The following SYTL2 variants were observed in gnomAD, a reference collection of about 807,000 sequenced individuals.
SYTL2 encodes the protein synaptotagmin-like protein 2.
Under a neutral mutation model 198.7 loss-of-function variants are expected in SYTL2, and 165 were observed. That is an observed-to-expected ratio of 0.83 (90% confidence interval 0.73 to 0.94). The LOEUF is 0.94. Among genes scored for constraint, SYTL2 ranks in the 40% least tolerant of loss-of-function variants. The pLI is 0.00. For missense variants in SYTL2, 2,835 were observed against 2,582.8 expected, an observed-to-expected ratio of 1.10 and a Z score of -2.12; for synonymous variants, 966 against 917.7, an observed-to-expected ratio of 1.05 and a Z score of -0.95.
At chr11:85,828,746 G>C in the SYTL2 span, among the ~76,000 whole-genome samples, 1 of 152,220 alleles carries the variant, frequency 6.6e-6, no homozygotes, top group Non-Finnish European at 1.5e-5. Flanking sequence ...TTTAATAAAT[G>C]AGGATGCTAA....
the SYTL2 span, among the ~76,000 whole-genome samples, chr11:85,832,778 G>A: frequency 9.2e-5 from 14 of 151,382 alleles, no homozygotes; most frequent in Non-Finnish European, 1.9e-4. Flanking sequence ...AATTGTTTGA[G>A]CCTAGGAGTT....
chr11:85,755,029 A>C (rs1344613710), intron 2 of SYTL2, among the ~76,000 whole-genome samples: 1 of 152,194 alleles, frequency 6.6e-6, no homozygotes, highest in Non-Finnish European at 1.5e-5. Context: ...AACAACAAAA[A>C]AAAATTTCAT....
chr11:85,772,212 T>C lies in SYTL2; in HGVS notation c.-389-14098A>G, dbSNP rs1043939353. ...TGGCTGATCCATTCTCCTTCTAACA[T>C]AGCATGATCTCTAAGCAGATACCCA... On this transcript the variant is annotated intron_variant, in intron 1 of 19. Coordinates refer to ENST00000359152, the MANE Select transcript of SYTL2 (RefSeq NM_206927.4). 3.3e-5 allele frequency among the ~76,000 whole-genome samples: 5 copies of C among 152,274 alleles called. No homozygotes were observed. The East Asian group carries it at 5.8e-4, about 18-fold the overall frequency.
chr11:85,849,333 G>A, the SYTL2 span, among the ~76,000 whole-genome samples: 1 of 152,300 alleles, frequency 6.6e-6, no homozygotes, highest in East Asian at 1.9e-4. Context: ...TGTTGCCGTT[G>A]CTTTTGGTGT....
intron 2 of SYTL2, 39 bp from the exon 3 acceptor site, chr11:85,748,462 C>T (rs778680056): frequency 4.4e-6 from 7 of 1,607,748 alleles, no homozygotes; most frequent in Admixed American, 1.7e-5. Context: ...TGAGAACCCA[C>T]AGTAAATAAA....
At chr11:85,834,911 C>T in the SYTL2 span, among the ~76,000 whole-genome samples, 1 of 151,988 alleles carries the variant, frequency 6.6e-6, no homozygotes, top group Non-Finnish European at 1.5e-5. Flanking sequence ...AGGTACACAC[C>T]ACCATGCCTG....
chr11:85,840,192 C>G, the SYTL2 span, among the ~76,000 whole-genome samples: 1 of 152,056 alleles, frequency 6.6e-6, no homozygotes, highest in Non-Finnish European at 1.5e-5. Context: ...TTATTAATCC[C>G]TTGTCAGATG....
rs1318184612 is a variant in SYTL2 at position 85,724,799 on chromosome 11, G to A, written c.4559C>T (p.Thr1520Ile). Residue 1520 changes from threonine (T) to isoleucine (I), a missense_variant, in exon 8 of 20, where the codon ACA becomes ATA. Physicochemically the swap from Thr to Ile is moderately conservative, Grantham distance 89. This residue lies in a region of SYTL2 where 2,645 missense variants were observed against 2,381.7 expected (regional missense o/e 1.11). Coordinates refer to ENST00000359152, the MANE Select transcript of SYTL2 (RefSeq NM_206927.4). Reference protein sequence around the residue: ...ETFPSKYESDTGNLSPSKLIG... With the variant: ...ETFPSKYESDIGNLSPSKLIG... The stretch of plus-strand genomic sequence containing the variant: ...TAACTTTGATGGAGAAAGATTCCCT[G>A]TATCACTTTCATATTTTGAGGGGAA... 6.2e-7 allele frequency: 1 copy of A among 1,613,310 alleles called. No homozygotes were observed. Among genetic ancestry groups the A allele is most frequent in the Admixed American group, 1.7e-5 (1 of 59,890 alleles).
rs2090114944 is a variant in SYTL2 at position 85,734,170 on chromosome 11, A to G, written c.1159T>C (p.Tyr387His). Residue 387 changes from tyrosine (Y) to histidine (H), a missense_variant, in exon 7 of 20, where the codon TAC becomes CAC. Tyr to His is a moderately conservative substitution (Grantham distance 83). Coordinates refer to ENST00000359152, the MANE Select transcript of SYTL2 (RefSeq NM_206927.4). ...TGATGAAAAAGCGAAGGCTTTCTGT[A>G]TTGAGAAGGCTTAGGGTCACTCTGA... ...EFQSDPKPSQ[Y>H]RKPSLFHQST... 1.2e-6 allele frequency: 2 copies of G among 1,614,058 alleles called. No homozygotes were observed. The highest frequency in any genetic ancestry group is 8.5e-7 in the Non-Finnish European group (1 of 1,179,998).
At chr11:85,795,514 G>T (rs2092791010) in intron 1 of SYTL2, among the ~76,000 whole-genome samples, 1 of 152,082 alleles carries the variant, frequency 6.6e-6, no homozygotes, top group African/African-American at 2.4e-5. Flanking sequence ...TTCATGATCA[G>T]CACTTTCACT....
At chr11:85,818,688 T>TCTATCTACCTAC in the SYTL2 span, among the ~76,000 whole-genome samples, 5 of 151,090 alleles carry the variant, frequency 3.3e-5, no homozygotes, top group African/African-American at 4.9e-5. Context: ...TATCTATCTA[T>TCTATCTACCTAC]CTACCTATCT....
chr11:85,785,080 T>C (rs993057366), intron 1 of SYTL2, among the ~76,000 whole-genome samples: 2 of 151,970 alleles, frequency 1.3e-5, no homozygotes, highest in Non-Finnish European at 2.9e-5. Context: ...AAGGGGAAAT[T>C]TGAGCCAAGA....
chr11:85,796,370 T>C (rs1462839131), intron 1 of SYTL2, among the ~76,000 whole-genome samples: 1 of 152,212 alleles, frequency 6.6e-6, no homozygotes, highest in Non-Finnish European at 1.5e-5. Flanking sequence ...CAACTCTTAT[T>C]TTGGGGCAGG....
chr11:85,757,241 A>ATT (rs11400282), intron 2 of SYTL2, among the ~76,000 whole-genome samples: 1 of 151,990 alleles, frequency 6.6e-6, no homozygotes, highest in East Asian at 1.9e-4. Flanking sequence ...AATTCTAAAA[A>ATT]TTTTTTAAAA....
At chr11:85,828,635 C>T in the SYTL2 span, among the ~76,000 whole-genome samples, 1 of 152,192 alleles carries the variant, frequency 6.6e-6, no homozygotes, top group Non-Finnish European at 1.5e-5. Context: ...TTCAACTAAA[C>T]AAGACTTAGC....
intron 1 of SYTL2, among the ~76,000 whole-genome samples, chr11:85,802,211 TTTTC>T (rs1041381672): frequency 7.7e-6 from 1 of 129,354 alleles, no homozygotes; most frequent in South Asian, 2.7e-4. Context: ...CTTTTCTTCT[TTTTC>T]TTTTCTTTTT....
chr11:85,742,795 C>A (rs1411158564), intron 4 of SYTL2, among the ~76,000 whole-genome samples: 1 of 152,134 alleles, frequency 6.6e-6, no homozygotes, highest in Non-Finnish European at 1.5e-5. Context: ...CTGGTCCAAC[C>A]AACACTGCCC....
At chr11:85,748,175 T>C in intron 3 of SYTL2, 97 bp downstream of exon 3, 1 of 1,353,222 alleles carries the variant, frequency 7.4e-7, no homozygotes, top group Non-Finnish European at 1.0e-6. Context: ...TACATCCAAA[T>C]GATTTCCATC....
chr11:85,725,245 A>C lies in SYTL2; in HGVS notation c.4113T>G (p.Ser1371Arg), dbSNP rs750790599. ...CTCCACACAGCTTCTGTAATGCAGC[A>C]CTTACATCATTCAATACAGGTCTGG... is the stretch of plus-strand genomic sequence containing the variant. ...LPPRPVLNDV[S>R]AALQKLCGEV... is the part of the protein sequence containing the mutation. Residue 1371 changes from serine to arginine, a missense_variant, in exon 8 of 20, where the codon AGT becomes AGG. This residue lies in a region of SYTL2 where 2,645 missense variants were observed against 2,381.7 expected (regional missense o/e 1.11). Coordinates refer to ENST00000359152, the MANE Select transcript of SYTL2 (RefSeq NM_206927.4). The C allele has an allele frequency of 1.2e-6, 2 of 1,614,054 alleles. No homozygotes were observed. Among genetic ancestry groups the C allele is most frequent in the Non-Finnish European group, 1.7e-6 (2 of 1,180,026 alleles).
Sources: gnomAD v4.1 joint callset for allele counts (sites outside exome capture counted in the v4.1 genomes callset) on GRCh38, gnomAD v4.1.1 for gene constraint, gnomAD v4.1.1 regional missense constraint, MANE v1.5 for transcripts, NCBI Gene and HGNC (gene_info 2026-07-23, HGNC 2026-07-21) for gene names.